The following N4BP2 variants were observed in gnomAD, a reference collection of about 807,000 sequenced individuals.
N4BP2 encodes the protein NEDD4 binding protein 2.
In N4BP2, 91 loss-of-function variants were observed where a neutral mutation model predicts 152.8. That is an observed-to-expected ratio of 0.60 (90% CI 0.50 to 0.71). N4BP2 has a LOEUF of 0.71. Among genes scored for constraint, N4BP2 ranks in the 30% least tolerant of loss-of-function variants. N4BP2 has a pLI of 0.00. For synonymous variants in N4BP2, 646 were observed against 705.3 expected (o/e 0.92, Z 1.33); for missense variants, 1,923 against 2,059.1 (o/e 0.93, Z 1.28).
At chr4:40,177,809 C>T in the N4BP2 span, among the ~76,000 whole-genome samples, 7 of 152,118 alleles carry the variant, frequency 4.6e-5, no homozygotes, top group Non-Finnish European at 8.8e-5. Context: ...ATCTTCTCTG[C>T]AGTCATCTCA....
At chr4:40,144,563 C>T (rs376572810) in intron 15 of N4BP2, 69 bp from the exon 16 acceptor site, 3 of 1,245,176 alleles carry the variant, frequency 2.4e-6, no homozygotes, top group Non-Finnish European at 3.3e-6. Context: ...ATTTGGGGCA[C>T]TATTAACTTC....
intron 15 of N4BP2, among the ~76,000 whole-genome samples, chr4:40,143,280 C>T (rs933032221): frequency 6.6e-6 from 1 of 152,034 alleles, no homozygotes; most frequent in Non-Finnish European, 1.5e-5. Flanking sequence ...TACCTGGGCT[C>T]ATTTAACATG....
Position 40,102,888 on chromosome 4 carries a change from C to A in N4BP2, c.1043C>A (p.Ala348Asp). ...GATGTGAGTTACTGCCCGGTACTTG[C>A]TCCTCTCCCATTGCTGTTGCCTCCT... Reference protein sequence around the residue: ...GKDVSYCPVLAPLPLLLPPPP... With the variant: ...GKDVSYCPVLDPLPLLLPPPP... The change falls in exon 4 of 18, where the codon GCT becomes GAT. Residue 348 changes from alanine to aspartate, a missense_variant. Ala to Asp is a moderately radical substitution (Grantham distance 126). Coordinates refer to ENST00000261435, the MANE Select transcript of N4BP2 (RefSeq NM_018177.6). The A allele has an allele frequency of 6.2e-7, 1 of 1,614,174 alleles. No individual in the cohort carries two copies. The highest frequency in any genetic ancestry group is 1.1e-5 in the South Asian group (1 of 91,084).
intron 17 of N4BP2, 97 bp downstream of exon 17, chr4:40,153,000 A>G (rs753252607): frequency 1.6e-5 from 19 of 1,192,098 alleles, no homozygotes; most frequent in African/African-American, 4.6e-5. Context: ...GATAATAGCA[A>G]TAGCCCTAAT....
At chr4:40,139,065 G>A (rs1488983497) in intron 14 of N4BP2, among the ~76,000 whole-genome samples, 2 of 151,996 alleles carry the variant, frequency 1.3e-5, no homozygotes, top group African/African-American at 2.4e-5. Flanking sequence ...AGTTATTTAG[G>A]TCTTCTTTAA....
chr4:40,121,260 AG>A lies in N4BP2; in HGVS notation c.3150del (p.Lys1050AsnfsTer21). ...TTAACAGGAAGATTAGATGGATTTA[AG>A]CCGAAAGTTTTCAATATTAACACAA... ...KVLTGRLDGF[K>X]PKVFNINTKS... On this transcript the variant is annotated frameshift_variant, in exon 9 of 18. Transcript: ENST00000261435. LOFTEE classifies it high-confidence loss of function. 1 of 1,613,396 alleles carries A rather than the reference AG, an allele frequency of 6.2e-7. No homozygotes were observed. Among genetic ancestry groups the A allele is most frequent in the Non-Finnish European group, 8.5e-7 (1 of 1,179,848 alleles).
At chr4:40,119,866 T>G (rs1717690418) in intron 8 of N4BP2, 66 bp from the exon 9 acceptor site, 2 of 730,418 alleles carry the variant, frequency 2.7e-6, no homozygotes, top group Non-Finnish European at 4.5e-6. Context: ...AATGCTTCTT[T>G]AAATCATAGT....
chr4:40,070,043 A>G (rs1711990097), intron 1 of N4BP2, among the ~76,000 whole-genome samples: 1 of 152,216 alleles, frequency 6.6e-6, no homozygotes, highest in Admixed American at 6.6e-5. Context: ...TGCTTGAAGC[A>G]TGGTACATTT....
At chr4:40,158,841 T>G (rs1326211172), downstream of N4BP2, among the ~76,000 whole-genome samples, 1 of 152,162 alleles carries the variant, frequency 6.6e-6, no homozygotes, top group Non-Finnish European at 1.5e-5. Context: ...GAACTTTATA[T>G]TCGAGTCCAA....
intron 10 of N4BP2, among the ~76,000 whole-genome samples, chr4:40,123,810 T>C (rs576050110): frequency 6.6e-6 from 1 of 152,136 alleles, no homozygotes; most frequent in African/African-American, 2.4e-5. Flanking sequence ...AAAATAATTA[T>C]AAACAGTGAG....
intron 4 of N4BP2, among the ~76,000 whole-genome samples, chr4:40,105,700 C>T (rs1320448786): frequency 6.6e-6 from 1 of 151,908 alleles, no homozygotes; most frequent in Non-Finnish European, 1.5e-5. Flanking sequence ...CAGGCATGGG[C>T]CCACCACACC....
intron 1 of N4BP2, among the ~76,000 whole-genome samples, chr4:40,062,105 G>GTTTTTTGTTT: frequency 7.8e-6 from 1 of 127,976 alleles, no homozygotes; most frequent in African/African-American, 3.0e-5. Context: ...TTGAGACGGA[G>GTTTTTTGTTT]TCTCGCTCTG....
At chr4:40,178,057 G>C in the N4BP2 span, among the ~76,000 whole-genome samples, 2 of 152,146 alleles carry the variant, frequency 1.3e-5, no homozygotes, top group African/African-American at 4.8e-5. Flanking sequence ...CTACTCAGGA[G>C]GCTGAGGCAG....
At chr4:40,188,471 G>T in the N4BP2 span, among the ~76,000 whole-genome samples, 1 of 152,184 alleles carries the variant, frequency 6.6e-6, no homozygotes. Flanking sequence ...TGGGCCGGAT[G>T]CAGTGGCTCA....
At chr4:40,072,953 C>A (rs779985824) in intron 1 of N4BP2, among the ~76,000 whole-genome samples, 74 of 152,116 alleles carry the variant, frequency 4.9e-4, no homozygotes, top group Non-Finnish European at 6.3e-4. Context: ...AACTCCTGAC[C>A]TCAAGTAATC....
chr4:40,128,447 C>T (rs566371792), intron 12 of N4BP2, among the ~76,000 whole-genome samples: 1 of 152,234 alleles, frequency 6.6e-6, no homozygotes, highest in African/African-American at 2.4e-5. Flanking sequence ...ATAACCTCTT[C>T]AGTAGATCTT....
intron 6 of N4BP2, 101 bp downstream of exon 6, chr4:40,112,273 C>G (rs923422729): frequency 1.4e-6 from 1 of 723,984 alleles, no homozygotes; most frequent in African/African-American, 1.9e-5. Context: ...AATCTCAGAA[C>G]CTTGGATAGT....
At chr4:40,071,647 ACCTCTG>A (rs1258430854) in intron 1 of N4BP2, among the ~76,000 whole-genome samples, 1 of 151,946 alleles carries the variant, frequency 6.6e-6, no homozygotes, top group Non-Finnish European at 1.5e-5. Context: ...GCTCACTGCA[ACCTCTG>A]TCTCTTGGGT....
chr4:40,059,725 A>G (rs1733507191), intron 1 of N4BP2, among the ~76,000 whole-genome samples: 1 of 152,114 alleles, frequency 6.6e-6, no homozygotes, highest in Non-Finnish European at 1.5e-5. Flanking sequence ...ATCATTATCA[A>G]CCTCATTGCC....
Sources: gnomAD v4.1 joint callset for allele counts (sites outside exome capture counted in the v4.1 genomes callset) on GRCh38, gnomAD v4.1.1 for gene constraint, MANE v1.5 for transcripts, NCBI Gene and HGNC (gene_info 2026-07-23, HGNC 2026-07-21) for gene names.